ADAD1: variants seen among roughly 807,000 people sequenced by gnomAD.
ADAD1 encodes the protein adenosine deaminase domain containing 1, also known as adenosine deaminase domain-containing protein 1.
In ADAD1, 46 loss-of-function variants were observed where a neutral mutation model predicts 66.8. That is an observed-to-expected ratio of 0.69 (90% CI 0.54 to 0.88). The LOEUF is 0.88. ADAD1 is among the 40% of genes least tolerant of loss of function. The pLI, the probability that ADAD1 is intolerant of heterozygous loss-of-function variation, is 0.00. For synonymous variants in ADAD1, 248 were observed against 229.4 expected (o/e 1.08, Z -0.73); for missense variants, 617 against 681.8 (o/e 0.91, Z 1.06).
At chr4:122,397,283 G>T (rs184121482) in intron 7 of ADAD1, among the ~76,000 whole-genome samples, 1 of 152,300 alleles carries the variant, frequency 6.6e-6, no homozygotes, top group Non-Finnish European at 1.5e-5. Flanking sequence ...ATCAGTTAAA[G>T]CTGTAATTTC....
At chr4:122,415,317 T>G in intron 10 of ADAD1, 62 bp from the exon 11 acceptor site, 1 of 1,294,016 alleles carries the variant, frequency 7.7e-7, no homozygotes, top group Non-Finnish European at 1.1e-6. Flanking sequence ...AATCATTTCA[T>G]TTATTTTATT....
At chr4:122,422,104 G>T (rs1797024097) in intron 12 of ADAD1, among the ~76,000 whole-genome samples, 1 of 146,542 alleles carries the variant, frequency 6.8e-6, no homozygotes. Context: ...CTTTCTATGT[G>T]ATATGACATG....
At chr4:122,392,387 A>T (rs1795492772) in intron 5 of ADAD1, among the ~76,000 whole-genome samples, 1 of 152,192 alleles carries the variant, frequency 6.6e-6, no homozygotes, top group Admixed American at 6.5e-5. Flanking sequence ...AAATAAAGTC[A>T]TGTCCTTTGC....
chr4:122,380,870 A>T, intron 3 of ADAD1, 122 bp from the exon 4 acceptor site: 1 of 908,948 alleles, frequency 1.1e-6, no homozygotes, highest in Non-Finnish European at 1.6e-6. Context: ...GTAGAAACTT[A>T]AGAAAAACAT....
At chr4:122,403,936 T>C (rs1796092634) in intron 7 of ADAD1, among the ~76,000 whole-genome samples, 1 of 152,076 alleles carries the variant, frequency 6.6e-6, no homozygotes, top group Non-Finnish European at 1.5e-5. Context: ...CTGTCATACA[T>C]GTCACCAGGG....
At chr4:122,380,852 A>G (rs1415801035) in intron 3 of ADAD1, 140 bp from the exon 4 acceptor site, 8 of 774,910 alleles carry the variant, frequency 1.0e-5, no homozygotes, top group South Asian at 2.1e-5. Flanking sequence ...GTGTGCCAAA[A>G]TTGTTTAGTA....
intron 4 of ADAD1, among the ~76,000 whole-genome samples, chr4:122,382,728 A>G (rs1365245647): frequency 6.6e-6 from 1 of 152,196 alleles, no homozygotes; most frequent in Non-Finnish European, 1.5e-5. Flanking sequence ...CAAGATGTGT[A>G]ATATACATAA....
chr4:122,394,577 C>T (rs1795607526), intron 6 of ADAD1, among the ~76,000 whole-genome samples: 1 of 152,100 alleles, frequency 6.6e-6, no homozygotes, highest in Admixed American at 6.5e-5. Context: ...GGAAAATAGG[C>T]CCATTCAAAA....
intron 8 of ADAD1, among the ~76,000 whole-genome samples, chr4:122,408,377 GCGATTCTATTGTCT>G (rs1338197640): frequency 3.9e-5 from 6 of 152,210 alleles, no homozygotes; most frequent in African/African-American, 7.2e-5. Flanking sequence ...CCAGGTCCAA[GCGATTCTATTGTCT>G]CAACCTCCCA....
chr4:122,408,127 G>A (rs1290223773), intron 8 of ADAD1, 96 bp downstream of exon 8: 1 of 1,309,540 alleles, frequency 7.6e-7, no homozygotes, highest in African/African-American at 1.5e-5. Context: ...GAATTTTATT[G>A]ATCATAGAGC....
At chr4:122,402,588 T>G (rs1796029844) in intron 7 of ADAD1, among the ~76,000 whole-genome samples, 1 of 152,136 alleles carries the variant, frequency 6.6e-6, no homozygotes, top group Non-Finnish European at 1.5e-5. Flanking sequence ...TTCAAATATG[T>G]TTTCCAAACT....
intron 5 of ADAD1, among the ~76,000 whole-genome samples, chr4:122,386,297 T>C (rs1795167918): frequency 6.6e-6 from 1 of 152,252 alleles, no homozygotes; most frequent in South Asian, 2.1e-4. Context: ...TGATCAGTGA[T>C]ATTGAGCTTG....
chr4:122,400,123 T>C (rs1441041919), intron 7 of ADAD1, among the ~76,000 whole-genome samples: 1 of 152,138 alleles, frequency 6.6e-6, no homozygotes, highest in East Asian at 1.9e-4. Flanking sequence ...CCCTGTTCAG[T>C]ATAATGTTGG....
At chr4:122,405,547 T>G (rs1796168778) in intron 7 of ADAD1, among the ~76,000 whole-genome samples, 1 of 152,178 alleles carries the variant, frequency 6.6e-6, no homozygotes, top group South Asian at 2.1e-4. Flanking sequence ...AGTTTACCAC[T>G]CCTTGTTTTT....
intron 11 of ADAD1, among the ~76,000 whole-genome samples, chr4:122,417,897 A>G (rs555500306): frequency 6.6e-6 from 1 of 152,306 alleles, no homozygotes; most frequent in African/African-American, 2.4e-5. Flanking sequence ...CCTGGTTCAA[A>G]GGGGAAATAT....
At chr4:122,381,203 C>T (rs201153977) in intron 4 of ADAD1, 23 bp downstream of exon 4, 39 of 1,527,118 alleles carry the variant, frequency 2.6e-5, no homozygotes, top group Non-Finnish European at 3.3e-5. Flanking sequence ...TTGTATTTGT[C>T]TCAAAAACAA....
Position 122,383,834 on chromosome 4 carries a change from G to A in ADAD1, c.397G>A (p.Val133Met), listed in dbSNP as rs746643559. The A allele has an allele frequency of 1.5e-5, 24 of 1,611,962 alleles. No individual in the cohort carries two copies. Among genetic ancestry groups the A allele is most frequent in the South Asian group, 1.2e-4 (11 of 90,370 alleles). Residue 133 changes from valine (V) to methionine (M), a missense_variant, in exon 5 of 13, where the codon GTG becomes ATG. Physicochemically the swap from Val to Met is conservative, Grantham distance 21. Transcript: ENST00000296513. ...GGGACCATATTTTGCCTTTTGTGCTGTGGTGGATGGTATTCAGTACAAGAC... is the reference window on the plus strand; with the variant it reads ...GGGACCATATTTTGCCTTTTGTGCTATGGTGGATGGTATTCAGTACAAGAC... Reference protein sequence around the residue: ...VMGPYFAFCAVVDGIQYKTGL... With the variant: ...VMGPYFAFCAMVDGIQYKTGL...
chr4:122,389,994 T>G (rs1384873580), intron 5 of ADAD1, among the ~76,000 whole-genome samples: 1 of 152,216 alleles, frequency 6.6e-6, no homozygotes, highest in African/African-American at 2.4e-5. Context: ...AGTGGCTCTT[T>G]CCGATTTTTC....
chr4:122,421,367 G>A lies in ADAD1; in HGVS notation c.1594G>A (p.Ala532Thr), dbSNP rs1204070053. Residue 532 changes from alanine (A) to threonine (T), a missense_variant, in exon 12 of 13, where the codon GCT (alanine) becomes ACT (threonine). Ala to Thr is a moderately conservative substitution (Grantham distance 58). Transcript: ENST00000296513. Reference protein sequence around the residue: ...AKEAKKELLEAGTYHAAKCMS... With the variant: ...AKEAKKELLETGTYHAAKCMS... ...AGAAGCTAAAAAAGAATTACTTGAAGCTGGTACATATCATGCAGCTAAGGT... is the reference window on the plus strand; with the variant it reads ...AGAAGCTAAAAAAGAATTACTTGAAACTGGTACATATCATGCAGCTAAGGT... 1 of 1,600,034 alleles carries A rather than the reference G, an allele frequency of 6.2e-7. No homozygotes were observed. Among genetic ancestry groups the A allele is most frequent in the East Asian group, 2.2e-5 (1 of 44,598 alleles).
Sources: gnomAD v4.1 joint callset for allele counts (sites outside exome capture counted in the v4.1 genomes callset) on GRCh38, gnomAD v4.1.1 for gene constraint, MANE v1.5 for transcripts, NCBI Gene and HGNC (gene_info 2026-07-23, HGNC 2026-07-21) for gene names.